The following COL25A1 variants were observed in gnomAD, a reference collection of about 807,000 sequenced individuals.
COL25A1 encodes the protein collagen alpha-1(XXV) chain.
Under a neutral mutation model 128.4 loss-of-function variants are expected in COL25A1, and 103 were observed. The ratio of observed to expected loss-of-function variants is 0.80; its 90% CI spans 0.68 to 0.94. The LOEUF is 0.94. Among genes scored for constraint, COL25A1 ranks in the 40% least tolerant of loss-of-function variants. COL25A1 has a pLI of 0.00. For synonymous variants in COL25A1, 279 were observed against 277.2 expected, an observed-to-expected ratio of 1.01 and a Z score of -0.06; for missense variants, 745 against 840.0, an observed-to-expected ratio of 0.89 and a Z score of 1.40.
At chr4:109,242,959 CA>C (rs2126233236) in intron 3 of COL25A1, among the ~76,000 whole-genome samples, 1 of 152,098 alleles carries the variant, frequency 6.6e-6, no homozygotes, top group Admixed American at 6.6e-5. Flanking sequence ...AGTATAAATA[CA>C]ATGTTAGTAA....
intron 32 of COL25A1, among the ~76,000 whole-genome samples, chr4:108,829,701 G>T (rs948096863): frequency 4.6e-5 from 7 of 152,110 alleles, no homozygotes; most frequent in Non-Finnish European, 8.8e-5. Flanking sequence ...CACTAAAACA[G>T]CTGTCTGTGA....
intron 3 of COL25A1, among the ~76,000 whole-genome samples, chr4:109,225,057 T>G (rs1421155369): frequency 6.6e-6 from 1 of 152,208 alleles, no homozygotes; most frequent in African/African-American, 2.4e-5. Flanking sequence ...CAATGTTAAT[T>G]CCCAAGCTGA....
At chr4:109,152,637 C>T (rs1771611039) in intron 3 of COL25A1, among the ~76,000 whole-genome samples, 1 of 152,108 alleles carries the variant, frequency 6.6e-6, no homozygotes, top group South Asian at 2.1e-4. Flanking sequence ...GGTGAATCAA[C>T]AGAAAAACCA....
intron 3 of COL25A1, among the ~76,000 whole-genome samples, chr4:109,064,857 A>G (rs1762269608): frequency 6.6e-6 from 1 of 152,194 alleles, no homozygotes; most frequent in African/African-American, 2.4e-5. Context: ...CAAAGTAAAT[A>G]CAAGAAAGCC....
intron 5 of COL25A1, among the ~76,000 whole-genome samples, chr4:109,025,849 A>G (rs1758213562): frequency 6.6e-6 from 1 of 152,296 alleles, no homozygotes; most frequent in South Asian, 2.1e-4. Context: ...TTGCAGTTGA[A>G]CAAACCAAGT....
intron 3 of COL25A1, among the ~76,000 whole-genome samples, chr4:109,068,611 G>C (rs1431654017): frequency 2.0e-5 from 3 of 152,064 alleles, no homozygotes; most frequent in Non-Finnish European, 4.4e-5. Flanking sequence ...CAGCAGCATG[G>C]CCAAATGAAA....
At chr4:109,071,653 T>C (rs1003696101) in intron 3 of COL25A1, among the ~76,000 whole-genome samples, 4 of 152,148 alleles carry the variant, frequency 2.6e-5, no homozygotes, top group African/African-American at 9.7e-5. Flanking sequence ...GAACAGACAC[T>C]TCTCAAAAGA....
chr4:109,056,805 G>T (rs1288516732), intron 3 of COL25A1, among the ~76,000 whole-genome samples: 1 of 152,154 alleles, frequency 6.6e-6, no homozygotes, highest in African/African-American at 2.4e-5. Context: ...AAATGGGCTG[G>T]TTATTCCAGA....
chr4:109,061,676 C>A (rs940047572), intron 3 of COL25A1, among the ~76,000 whole-genome samples: 2 of 152,146 alleles, frequency 1.3e-5, no homozygotes, highest in African/African-American at 4.8e-5. Flanking sequence ...CCCATTTGGC[C>A]ATTTAAAAAG....
intron 3 of COL25A1, among the ~76,000 whole-genome samples, chr4:109,163,767 T>G (rs545575744): frequency 4.5e-4 from 69 of 152,358 alleles, no homozygotes; most frequent in African/African-American, 1.6e-3. Flanking sequence ...CACCTGTGCC[T>G]CTGCTCATCA....
intron 3 of COL25A1, among the ~76,000 whole-genome samples, chr4:109,145,513 G>C (rs1329929532): frequency 6.6e-6 from 1 of 152,058 alleles, no homozygotes; most frequent in Non-Finnish European, 1.5e-5. Flanking sequence ...TTTTGACAAG[G>C]TCAAATACTA....
chr4:109,261,652 G>T (rs1383860869), intron 3 of COL25A1, among the ~76,000 whole-genome samples: 1 of 151,794 alleles, frequency 6.6e-6, no homozygotes, highest in Non-Finnish European at 1.5e-5. Context: ...ACTTACACGG[G>T]TAATAATAGT....
intron 3 of COL25A1, among the ~76,000 whole-genome samples, chr4:109,066,366 T>A (rs1002720415): frequency 6.6e-6 from 1 of 151,758 alleles, no homozygotes; most frequent in African/African-American, 2.4e-5. Flanking sequence ...CATCAGGAGG[T>A]CTCCCAAACT....
At chr4:108,964,307 T>C (rs1471978250) in intron 8 of COL25A1, among the ~76,000 whole-genome samples, 1 of 151,854 alleles carries the variant, frequency 6.6e-6, no homozygotes, top group African/African-American at 2.4e-5. Flanking sequence ...GATTTTAATA[T>C]CTCTGTGGTC....
At position 108,949,141 on chromosome 4, in the gene COL25A1, G is replaced by T. The variant is rs183305200; in HGVS notation, c.493-7704C>A. 5.9e-3 allele frequency among the ~76,000 whole-genome samples: 903 copies of T among 152,204 alleles called. 3 individuals carry two copies. The highest frequency in any genetic ancestry group is 0.01 in the Non-Finnish European group (683 of 68,004). On this transcript the variant is annotated intron_variant, in intron 8 of 37. Coordinates refer to ENST00000399132, the MANE Select transcript of COL25A1 (RefSeq NM_198721.4). Reference sequence around the variant, plus strand: ...AAAATAAAACAGCCTTGCAGTCTGGGATGATGTAGAAAAATAAAACTGTAT... The same window carrying T: ...AAAATAAAACAGCCTTGCAGTCTGGTATGATGTAGAAAAATAAAACTGTAT...
chr4:108,819,458 G>A (rs1156741787), intron 35 of COL25A1, 129 bp from the exon 36 acceptor site: 2 of 688,718 alleles, frequency 2.9e-6, no homozygotes, highest in African/African-American at 3.6e-5. Flanking sequence ...GTAACATCCA[G>A]TGAAGTTGGG....
chr4:109,271,105 C>G (rs1202404194), intron 3 of COL25A1, among the ~76,000 whole-genome samples: 1 of 152,180 alleles, frequency 6.6e-6, no homozygotes, highest in Non-Finnish European at 1.5e-5. Flanking sequence ...ACTGGCTACA[C>G]CACTGCTGCC....
At chr4:109,070,637 T>C (rs576434022) in intron 3 of COL25A1, among the ~76,000 whole-genome samples, 22 of 151,484 alleles carry the variant, frequency 1.5e-4, no homozygotes, top group African/African-American at 5.3e-4. Context: ...GCTGCACCCA[T>C]TAACTCGTCA....
intron 3 of COL25A1, among the ~76,000 whole-genome samples, chr4:109,126,584 G>A (rs11946219): frequency 0.24 from 36,360 of 152,016 alleles, 5,199 homozygotes; most frequent in African/African-American, 0.39. Flanking sequence ...GACAAAAGAA[G>A]CCAGATTATA....
Sources: gnomAD v4.1 joint callset for allele counts (sites outside exome capture counted in the v4.1 genomes callset) on GRCh38, gnomAD v4.1.1 for gene constraint, MANE v1.5 for transcripts, NCBI Gene and HGNC (gene_info 2026-07-23, HGNC 2026-07-21) for gene names.